The following CFL2 variants were observed in gnomAD, a reference collection of about 807,000 sequenced individuals.
CFL2 encodes cofilin 2.
CFL2 carries 10 observed loss-of-function variants against 19.6 expected under a neutral mutation model. The ratio of observed to expected loss-of-function variants is 0.51; its 90% CI spans 0.31 to 0.86. The LOEUF is 0.86. Among genes scored for constraint, CFL2 ranks in the 40% least tolerant of loss-of-function variants. The pLI, the probability that CFL2 is intolerant of heterozygous loss-of-function variation, is 0.04. For synonymous variants in CFL2, 63 were observed against 66.7 expected, an observed-to-expected ratio of 0.95 and a Z score of 0.27; for missense variants, 125 against 192.1, an observed-to-expected ratio of 0.65 and a Z score of 2.06.
In CFL2 at chr14:34,713,156, T is replaced by C; in HGVS notation, c.312-20A>G. 6.4e-7 allele frequency: 1 copy of C among 1,568,990 alleles called. No individual in the cohort carries two copies. Among genetic ancestry groups the C allele is most frequent in the Non-Finnish European group, 8.7e-7 (1 of 1,152,990 alleles). On this transcript the variant is annotated intron_variant, in intron 2 of 3. Transcript: ENST00000298159. ...GGAGCCCTACAGAAAAAAAAAAAAT[T>C]ATTGAATCCCATTTATAAGAAAAAC...
Position 34,712,177 on chromosome 14 carries a change from C to T in CFL2, c.*688G>A, listed in dbSNP as rs562738445. On this transcript the variant is annotated 3_prime_UTR_variant, in exon 4 of 4. Coordinates refer to ENST00000298159, the MANE Select transcript of CFL2 (RefSeq NM_138638.5). The stretch of plus-strand genomic sequence containing the variant: ...GGACTCACATGGTAAACATAAAACT[C>T]CTACACTTATTCAGTAGTGTACACT... 2.2e-6 allele frequency: 1 copy of T among 454,430 alleles called. No individual in the cohort carries two copies. Among genetic ancestry groups the T allele is most frequent in the South Asian group, 1.6e-5 (1 of 64,464 alleles). 28.1% of individuals were successfully genotyped at this position (454,430 alleles called of 1,614,324 possible).
Position 34,713,827 on chromosome 14 carries a change from T to C in CFL2, c.4-266A>G. 5 of 1,562,298 alleles carry C rather than the reference T, an allele frequency of 3.2e-6. No individual in the cohort carries two copies. In the South Asian group the frequency reaches 3.5e-5, roughly 11 times the overall value. On this transcript the variant is annotated intron_variant, in intron 1 of 3. Transcript: ENST00000298159. The stretch of plus-strand genomic sequence containing the variant: ...ACAAGTTGTCCCATCCCTGAAATGT[T>C]TCCTATTTCACTGGGTGATGTCAGA...
Position 34,711,958 on chromosome 14 carries a change from AGTT to A in CFL2, c.*904_*906del. 2.2e-6 allele frequency: 1 copy of A among 454,376 alleles called. No homozygotes were observed. Among genetic ancestry groups the A allele is most frequent in the South Asian group, 1.6e-5 (1 of 64,452 alleles). 28.1% of individuals were successfully genotyped at this position (454,376 alleles called of 1,614,324 possible). A position where few individuals can be genotyped will look rare whatever the true frequency, so the allele number is the denominator to read the frequency against. ...TAGTAATAGCTGTTTTTACCCTAGA[AGTT>A]GTTTCACATAACATTTTGCAAAATT... On this transcript the variant is annotated 3_prime_UTR_variant, in exon 4 of 4. Coordinates refer to ENST00000298159, the MANE Select transcript of CFL2 (RefSeq NM_138638.5).
At position 34,711,720 on chromosome 14, in the gene CFL2, G is replaced by A; in HGVS notation, c.*1145C>T. On this transcript the variant is annotated 3_prime_UTR_variant, in exon 4 of 4. Coordinates refer to ENST00000298159, the MANE Select transcript of CFL2 (RefSeq NM_138638.5). ...AAATCAGATATTGAAAAGTATTTAT[G>A]CCAAAGTGCAAAAAATAATTTCTGA... is the stretch of plus-strand genomic sequence containing the variant. The A allele has an allele frequency of 2.3e-6, 1 of 443,396 alleles. No homozygotes were observed. Among genetic ancestry groups the A allele is most frequent in the South Asian group, 1.6e-5 (1 of 61,062 alleles). The allele number at this position is 443,396 out of a possible 1,614,324, so 27.5% of individuals were successfully genotyped here. A position where few individuals can be genotyped will look rare whatever the true frequency, so the allele number is the denominator to read the frequency against.
rs767758880 is a variant in CFL2, at chr14:34,712,305, TAAC to T, written c.*557_*559del. 3.1e-5 allele frequency: 14 copies of T among 454,408 alleles called. No individual in the cohort carries two copies. Among genetic ancestry groups the T allele is most frequent in the South Asian group, 2.2e-4 (14 of 64,472 alleles). 28.1% of individuals were successfully genotyped at this position (454,408 alleles called of 1,614,324 possible). ...TACTAGGATAAGTTGATGACACAGT[TAAC>T]AAAACTTAATTGGCATTCCTTTTAG... On this transcript the variant is annotated 3_prime_UTR_variant, in exon 4 of 4. Transcript: ENST00000298159.
rs1410765836 is a variant in CFL2, at chr14:34,710,836, T to C, written c.*2029A>G. 2.2e-6 allele frequency: 1 copy of C among 453,880 alleles called. No individual in the cohort carries two copies. Among genetic ancestry groups the C allele is most frequent in the Non-Finnish European group, 4.4e-6 (1 of 226,780 alleles). The allele number at this position is 453,880 out of a possible 1,614,324, so 28.1% of individuals were successfully genotyped here. ...AAAACAAAAGATACTACATAACTGA[T>C]TTATAGTCCCTTATTTTTTAAAAGA... On this transcript the variant is annotated 3_prime_UTR_variant, in exon 4 of 4. Transcript: ENST00000298159.
rs1885384997 is a variant in CFL2 at position 34,713,403 on chromosome 14, C to T, written c.162G>A (p.Gln54=). 6.2e-7 allele frequency: 1 copy of T among 1,614,180 alleles called. No homozygotes were observed. The highest frequency in any genetic ancestry group is 2.2e-5 in the East Asian group (1 of 44,874). ...KRQIIVEEAK[Q]ILVGDIGDTV... ...TATCACCAATGTCACCCACCAAGAT[C>T]TGCTTTGCTTCCTCTACAATTATTT... Residue 54 remains glutamine (Q), a synonymous_variant, in exon 2 of 4, where the codon CAG becomes CAA. Transcript: ENST00000298159.
At position 34,712,523 on chromosome 14, in the gene CFL2, G is replaced by C. The variant is rs1056720332; in HGVS notation, c.*342C>G. 2 of 472,504 alleles carry C rather than the reference G, an allele frequency of 4.2e-6. No homozygotes were observed. Among genetic ancestry groups the C allele is most frequent in the Non-Finnish European group, 8.4e-6 (2 of 239,368 alleles). The allele number at this position is 472,504 out of a possible 1,614,324, so 29.3% of individuals were successfully genotyped here. On this transcript the variant is annotated 3_prime_UTR_variant, in exon 4 of 4. Coordinates refer to ENST00000298159, the MANE Select transcript of CFL2 (RefSeq NM_138638.5). ...TCTGACCAGTGGATAATACTTTCAA[G>C]GCATTCAATTAGCTTATCCTTTGCA...
At position 34,712,759 on chromosome 14, in the gene CFL2, TG is replaced by T. The variant is rs1379416014; in HGVS notation, c.*105del. The stretch of plus-strand genomic sequence containing the variant: ...CATTCATTGTGTTGGAAGGGCCCAG[TG>T]GAAAGGGGGAAATACAACAAAAAAC... On this transcript the variant is annotated 3_prime_UTR_variant, in exon 4 of 4. Coordinates refer to ENST00000298159, the MANE Select transcript of CFL2 (RefSeq NM_138638.5). The T allele has an allele frequency of 2.7e-6, 2 of 752,984 alleles. No homozygotes were observed. The highest frequency in any genetic ancestry group is 3.7e-5 in the Admixed American group (2 of 53,988). 46.6% of individuals were successfully genotyped at this position (752,984 alleles called of 1,614,324 possible).
rs1328872877 is a variant in CFL2, at chr14:34,711,999, A to C, written c.*866T>G. ...ATTTTGCAAAATTTCCAAGGAAAAC[A>C]AGGCAACGTTCTGTAATATGCCACA... On this transcript the variant is annotated 3_prime_UTR_variant, in exon 4 of 4. Coordinates refer to ENST00000298159, the MANE Select transcript of CFL2 (RefSeq NM_138638.5). 1 of 454,402 alleles carries C rather than the reference A, an allele frequency of 2.2e-6. No individual in the cohort carries two copies. Among genetic ancestry groups the C allele is most frequent in the Non-Finnish European group, 4.4e-6 (1 of 226,774 alleles). The allele number at this position is 454,402 out of a possible 1,614,324, so 28.1% of individuals were successfully genotyped here.
chr14:34,714,284 CCCCG>C, intron 1 of CFL2: 1 of 486,330 alleles, frequency 2.1e-6, no homozygotes, highest in Non-Finnish European at 3.5e-6. Context: ...CCTCTCGCGC[CCCCG>C]CCCGCCCGGC....
chr14:34,713,609 AACC>A lies in CFL2; in HGVS notation c.4-51_4-49del, dbSNP rs752753334. The A allele has an allele frequency of 7.4e-6, 12 of 1,613,958 alleles. No individual in the cohort carries two copies. In the East Asian group the frequency reaches 2.2e-4, roughly 30 times the overall value. On this transcript the variant is annotated intron_variant, in intron 1 of 3. Coordinates refer to ENST00000298159, the MANE Select transcript of CFL2 (RefSeq NM_138638.5). Reference sequence around the variant, plus strand: ...AATTCAGAACACGTATTTTGGTTTTAACCAAAATTACTGTTTGCCTAGAGAAGA... The same window carrying A: ...AATTCAGAACACGTATTTTGGTTTTAAAAATTACTGTTTGCCTAGAGAAGA...
intron 1 of CFL2, chr14:34,714,310 A>G (rs1048031454): frequency 2.3e-5 from 14 of 616,118 alleles, no homozygotes; most frequent in South Asian, 3.4e-5. Flanking sequence ...CCGACCCCCA[A>G]CCTGCGCCGA....
intron 1 of CFL2, 152 bp from the exon 2 acceptor site, chr14:34,713,713 T>A: frequency 6.2e-7 from 1 of 1,612,458 alleles, no homozygotes; most frequent in Non-Finnish European, 8.5e-7. Context: ...ATTTTAAGAA[T>A]CAGTAGACGA....
Position 34,710,736 on chromosome 14 carries a change from A to G in CFL2, c.*2129T>C, listed in dbSNP as rs1566522574. On this transcript the variant is annotated 3_prime_UTR_variant, in exon 4 of 4. Transcript: ENST00000298159. ...CAGTTTTGTCAATCTAGCAAATCAA[A>G]GTATCACAGTTTAAAGCAATATTTA... The G allele has an allele frequency of 2.2e-6, 1 of 451,894 alleles. No individual in the cohort carries two copies. The highest frequency in any genetic ancestry group is 4.4e-6 in the Non-Finnish European group (1 of 226,200). The allele number at this position is 451,894 out of a possible 1,614,324, so 28.0% of individuals were successfully genotyped here.
At position 34,713,396 on chromosome 14, in the gene CFL2, C is replaced by A; in HGVS notation, c.169G>T (p.Val57Leu). ...IIVEEAKQIL[V>L]GDIGDTVEDP... ...TCTACAGTATCACCAATGTCACCCA[C>A]CAAGATCTGCTTTGCTTCCTCTACA... Residue 57 changes from valine (V) to leucine (L), a missense_variant, in exon 2 of 4, where the codon GTG (valine) becomes TTG (leucine). Transcript: ENST00000298159. 2 of 1,614,110 alleles carry A rather than the reference C, an allele frequency of 1.2e-6. No homozygotes were observed. Among genetic ancestry groups the A allele is most frequent in the Non-Finnish European group, 1.7e-6 (2 of 1,180,020 alleles).
In CFL2 at chr14:34,711,292, C is replaced by A. The variant is rs755891117; in HGVS notation, c.*1573G>T. ...CTTACTAGCATGCCTGTTTTGCATA[C>A]CAGTAGAATCAAGTCCAGTTTTGCC... On this transcript the variant is annotated 3_prime_UTR_variant, in exon 4 of 4. Coordinates refer to ENST00000298159, the MANE Select transcript of CFL2 (RefSeq NM_138638.5). 2.2e-6 allele frequency: 1 copy of A among 454,486 alleles called. No individual in the cohort carries two copies. Among genetic ancestry groups the A allele is most frequent in the South Asian group, 1.6e-5 (1 of 64,480 alleles). 28.2% of individuals were successfully genotyped at this position (454,486 alleles called of 1,614,324 possible).
chr14:34,712,615 C>A lies in CFL2; in HGVS notation c.*250G>T, dbSNP rs1185416401. 1.6e-6 allele frequency: 1 copy of A among 619,700 alleles called. No homozygotes were observed. Among genetic ancestry groups the A allele is most frequent in the Non-Finnish European group, 3.0e-6 (1 of 334,860 alleles). 38.4% of individuals were successfully genotyped at this position (619,700 alleles called of 1,614,324 possible). ...TGCTTGCTGCAAGGGAGGCATATAA[C>A]CAGTTGTTTTGGCTAAAATATGACA... On this transcript the variant is annotated 3_prime_UTR_variant, in exon 4 of 4. Transcript: ENST00000298159.
Position 34,713,489 on chromosome 14 carries a change from G to C in CFL2, c.76C>G (p.Gln26Glu), listed in dbSNP as rs1885389290. ...NDMKVRKSST[Q>E]EEIKKRKKAV... ...TTCTTTCTCTTTTTGATCTCCTCTT[G>C]TGTAGAAGATTTCCTTACTTTCATA... The change falls in exon 2 of 4, where the codon CAA (glutamine) becomes GAA (glutamate). Residue 26 changes from glutamine to glutamate, a missense_variant. Physicochemically the swap from Gln to Glu is conservative, Grantham distance 29. Transcript: ENST00000298159. 1 of 1,613,674 alleles carries C rather than the reference G, an allele frequency of 6.2e-7. No individual in the cohort carries two copies.
Sources: gnomAD v4.1 joint callset for allele counts on GRCh38, gnomAD v4.1.1 for gene constraint, MANE v1.5 for transcripts, NCBI Gene and HGNC (gene_info 2026-07-23, HGNC 2026-07-21) for gene names.